Variants in SPAST observed in about 807,000 individuals in gnomAD.
SPAST encodes spastin.
Under a neutral mutation model 76.6 loss-of-function variants are expected in SPAST, and 30 were observed. The observed-to-expected ratio is 0.39, with a 90% CI of 0.29 to 0.53. The LOEUF is 0.53. Ranked by LOEUF, SPAST falls within the 20% of genes least tolerant of loss-of-function variation. The pLI, the probability that SPAST is intolerant of heterozygous loss-of-function variation, is 0.68. For missense variants in SPAST, 717 were observed against 770.5 expected (o/e 0.93, Z 0.82); for synonymous variants, 305 against 281.0 (o/e 1.09, Z -0.86).
Position 32,102,422 on chromosome 2 carries a change from G to T in SPAST, c.682+3531G>T, listed in dbSNP as rs1402732755. On this transcript the variant is annotated intron_variant, in intron 4 of 16. Coordinates refer to ENST00000315285, the MANE Select transcript of SPAST (RefSeq NM_014946.4). ...TACAATCATGTCATCTCCAAACAGG[G>T]ACAATTTGACTTTCTTTTCCTAATT... Among the ~76,000 whole-genome samples, 3 of 152,274 alleles carry T rather than the reference G, an allele frequency of 2.0e-5. No individual in the cohort carries two copies. The East Asian group carries it at 5.8e-4, about 29-fold the overall frequency.
chr2:32,092,430 C>G (rs937865800), intron 3 of SPAST, among the ~76,000 whole-genome samples: 1 of 152,088 alleles, frequency 6.6e-6, no homozygotes. Flanking sequence ...TTTGTAACAT[C>G]TTTCAAAATT....
chr2:32,157,224 G>A lies in SPAST; in HGVS notation c.*2728G>A, dbSNP rs1459756721. 1 of 152,524 alleles carries A rather than the reference G, an allele frequency of 6.6e-6. No individual in the cohort carries two copies. The highest frequency in any genetic ancestry group is 2.4e-5 in the African/African-American group (1 of 41,428). The allele number at this position is 152,524 out of a possible 1,614,324, so 9.4% of individuals were successfully genotyped here. ...CTAAATTAAAACTTACTGATATATT[G>A]GACTTTGAGCCAAGGGAAAGAATGA... On this transcript the variant is annotated 3_prime_UTR_variant, in exon 17 of 17. Coordinates refer to ENST00000315285, the MANE Select transcript of SPAST (RefSeq NM_014946.4).
At chr2:32,115,634 GTTAAC>G in intron 5 of SPAST, 63 bp from the exon 6 acceptor site, 2 of 1,234,970 alleles carry the variant, frequency 1.6e-6, no homozygotes, top group East Asian at 4.7e-5. Context: ...GAACTTTAAG[GTTAAC>G]TTATTTATGA....
At chr2:32,093,914 A>G (rs1677826449) in intron 3 of SPAST, among the ~76,000 whole-genome samples, 2 of 152,194 alleles carry the variant, frequency 1.3e-5, no homozygotes, top group African/African-American at 4.8e-5. Context: ...GCTTTGCTCT[A>G]AGGTTCACTA....
At chr2:32,086,462 TA>T (rs11350854) in intron 1 of SPAST, among the ~76,000 whole-genome samples, 44,521 of 144,130 alleles carry the variant, frequency 0.31, 6,761 homozygotes, top group East Asian at 0.56. Context: ...AGACTCTGTT[TA>T]AAAAAAAAAA....
chr2:32,110,808 CTATATAGTA>C (rs1573109915), intron 4 of SPAST, among the ~76,000 whole-genome samples: 1 of 124,368 alleles, frequency 8.0e-6, no homozygotes, highest in African/African-American at 3.0e-5. Context: ...ACATAGTATA[CTATATAGTA>C]TATAGAGTAT....
chr2:32,127,972 A>T (rs1438360564), intron 8 of SPAST: 1 of 183,600 alleles, frequency 5.4e-6, no homozygotes, highest in Non-Finnish European at 1.2e-5. Flanking sequence ...GGATTGTATT[A>T]TACCTTACAT....
At chr2:32,084,320 C>G (rs1677383299) in intron 1 of SPAST, among the ~76,000 whole-genome samples, 1 of 151,700 alleles carries the variant, frequency 6.6e-6, no homozygotes, top group Non-Finnish European at 1.5e-5. Flanking sequence ...GCCACCATGC[C>G]TGGCTAATTT....
Position 32,090,044 on chromosome 2 carries a change from G to A in SPAST, c.586+439G>A, listed in dbSNP as rs188430758. On this transcript the variant is annotated intron_variant, in intron 3 of 16. Transcript: ENST00000315285. ...CTCCCGAAGTGCTGGAGTTACAGGC[G>A]TGAGCCAACGCGCCCAGCCGAGCAT... Among the ~76,000 whole-genome samples the A allele has an allele frequency of 3.1e-3, 474 of 152,346 alleles. 6 individuals are homozygous for A. Among genetic ancestry groups the A allele is most frequent in the South Asian group, 0.017 (84 of 4,830 alleles).
In SPAST at chr2:32,064,143, C is replaced by A. The variant is rs1198003195; in HGVS notation, c.312C>A (p.Ala104=). Residue 104 remains alanine, a synonymous_variant, in exon 1 of 17, where the codon GCC becomes GCA. Transcript: ENST00000315285. ...CGCCAGCACCTGCCTCGGCCTCGGC[C>A]CCGGCGCCGGTGCCGGGCGGCGAGG... ...GAAPAPASAS[A]PAPVPGGEAE... 1 of 1,565,484 alleles carries A rather than the reference C, an allele frequency of 6.4e-7. No individual in the cohort carries two copies. The highest frequency in any genetic ancestry group is 1.9e-5 in the Admixed American group (1 of 52,024).
At chr2:32,109,394 C>T (rs1206420739) in intron 4 of SPAST, among the ~76,000 whole-genome samples, 3 of 152,084 alleles carry the variant, frequency 2.0e-5, no homozygotes, top group African/African-American at 4.8e-5. Context: ...CAGGTGTGAG[C>T]CACCACGCCT....
intron 1 of SPAST, among the ~76,000 whole-genome samples, chr2:32,073,965 C>G (rs764421842): frequency 1.4e-4 from 22 of 152,258 alleles, no homozygotes; most frequent in Middle Eastern, 3.4e-3. Flanking sequence ...TCAATGCCCT[C>G]CAGTCAGCGA....
intron 1 of SPAST, among the ~76,000 whole-genome samples, chr2:32,076,669 A>G (rs1676973159): frequency 6.6e-6 from 1 of 152,212 alleles, no homozygotes; most frequent in East Asian, 1.9e-4. Context: ...TTAACACACC[A>G]TGAAAGTCTA....
chr2:32,112,428 A>G lies in SPAST; in HGVS notation c.683-2210A>G, dbSNP rs376070768. 4.4e-4 allele frequency among the ~76,000 whole-genome samples: 64 copies of G among 145,498 alleles called. No homozygotes were observed. In the South Asian group the frequency reaches 6.4e-3, roughly 15 times the overall value. On this transcript the variant is annotated intron_variant, in intron 4 of 16. Transcript: ENST00000315285. ...AATGGAGTGATCTTGGCTCACCGCA[A>G]TCTCTGCCTCCTTGGTTCAAGCAAT... is the stretch of plus-strand genomic sequence containing the variant.
chr2:32,125,623 C>G (rs1481091442), intron 7 of SPAST, among the ~76,000 whole-genome samples: 1 of 151,926 alleles, frequency 6.6e-6, no homozygotes, highest in Non-Finnish European at 1.5e-5. Context: ...TGTTTTCAGT[C>G]TGGAGCTCTA....
intron 9 of SPAST, among the ~76,000 whole-genome samples, chr2:32,132,853 CTACTAAA>C (rs1221672177): frequency 1.3e-5 from 2 of 152,148 alleles, no homozygotes; most frequent in East Asian, 1.9e-4. Flanking sequence ...ATACAAATCT[CTACTAAA>C]TACTAAATAC....
chr2:32,074,943 G>C (rs1472942849), intron 1 of SPAST, among the ~76,000 whole-genome samples: 1 of 152,038 alleles, frequency 6.6e-6, no homozygotes, highest in Non-Finnish European at 1.5e-5. Context: ...TTTTTTAAAT[G>C]CTTAGTGCTT....
intron 7 of SPAST, among the ~76,000 whole-genome samples, chr2:32,118,157 G>A (rs982643110): frequency 2.6e-5 from 4 of 152,208 alleles, no homozygotes; most frequent in Non-Finnish European, 5.9e-5. Flanking sequence ...GTGGAAATAA[G>A]TTGTGTGGCA....
chr2:32,142,211 GA>G (rs1225804115), intron 13 of SPAST, among the ~76,000 whole-genome samples: 4 of 152,028 alleles, frequency 2.6e-5, no homozygotes, highest in Non-Finnish European at 5.9e-5. Flanking sequence ...AACTACAAAT[GA>G]TCTAAAATGT....
Sources: allele counts gnomAD v4.1 joint callset (sites outside exome capture counted in the v4.1 genomes callset), GRCh38; gene constraint gnomAD v4.1.1; transcripts MANE v1.5; gene names NCBI Gene and HGNC (gene_info 2026-07-23, HGNC 2026-07-21).